The following SUGCT variants were observed in gnomAD, a reference collection of about 807,000 sequenced individuals.
The protein encoded by SUGCT is succinyl-CoA:glutarate CoA-transferase.
A neutral mutation model predicts 55.0 loss-of-function variants in SUGCT; 41 were observed. The ratio of observed to expected loss-of-function variants is 0.74; its 90% CI spans 0.58 to 0.97. SUGCT has a LOEUF of 0.97. Ranked by LOEUF, SUGCT falls within the 50% of genes least tolerant of loss-of-function variation. The pLI, the probability that SUGCT is intolerant of heterozygous loss-of-function variation, is 0.00. For synonymous variants in SUGCT, 187 were observed against 200.4 expected (o/e 0.93, Z 0.56); for missense variants, 568 against 547.8 (o/e 1.04, Z -0.37).
chr7:40,593,112 G>A (rs1797815379), intron 12 of SUGCT, among the ~76,000 whole-genome samples: 1 of 152,130 alleles, frequency 6.6e-6, no homozygotes, highest in African/African-American at 2.4e-5. Context: ...ATATGGCCAG[G>A]TAAGAAGGTG....
Position 40,832,967 on chromosome 7 carries a change from C to A in SUGCT, c.1154-27349C>A, listed in dbSNP as rs530754633. On this transcript the variant is annotated intron_variant, in intron 13 of 13. Coordinates refer to ENST00000335693, the MANE Select transcript of SUGCT (RefSeq NM_001193313.2). ...GGGATTACAGGCGTGAGTCACTGTG[C>A]CGGGCCTCTTCCACTCCTACTTCTA... is the stretch of plus-strand genomic sequence containing the variant. Among the ~76,000 whole-genome samples, 3 of 152,176 alleles carry A rather than the reference C, an allele frequency of 2.0e-5. 1 individual carries two copies. The South Asian group carries it at 6.2e-4, about 32-fold the overall frequency.
At chr7:40,623,764 A>G (rs553038649) in intron 12 of SUGCT, among the ~76,000 whole-genome samples, 1 of 152,000 alleles carries the variant, frequency 6.6e-6, no homozygotes, top group East Asian at 1.9e-4. Context: ...GTGTGTAATC[A>G]ATAATTTTTT....
At chr7:40,373,207 A>G (rs1362148508) in intron 9 of SUGCT, among the ~76,000 whole-genome samples, 1 of 151,040 alleles carries the variant, frequency 6.6e-6, no homozygotes, top group Non-Finnish European at 1.5e-5. Context: ...TTTACTTTGA[A>G]GAAGTTAAGT....
chr7:40,864,162 T>C (rs1215869564), downstream of SUGCT, among the ~76,000 whole-genome samples: 1 of 152,108 alleles, frequency 6.6e-6, no homozygotes, highest in Non-Finnish European at 1.5e-5. Context: ...GCCCTGAAAG[T>C]TCCTTTCAAC....
chr7:40,725,507 A>G (rs947475950), intron 12 of SUGCT, among the ~76,000 whole-genome samples: 2 of 151,216 alleles, frequency 1.3e-5, no homozygotes, highest in Admixed American at 1.3e-4. Context: ...AACTCTACCT[A>G]TTACGTAGGT....
At chr7:40,279,326 T>A (rs1792789570) in intron 8 of SUGCT, among the ~76,000 whole-genome samples, 1 of 152,076 alleles carries the variant, frequency 6.6e-6, no homozygotes, top group Non-Finnish European at 1.5e-5. Context: ...ATACACTGAG[T>A]GGCATAAGCA....
chr7:40,352,763 A>G (rs541107375), intron 9 of SUGCT, among the ~76,000 whole-genome samples: 1 of 152,290 alleles, frequency 6.6e-6, no homozygotes, highest in South Asian at 2.1e-4. Flanking sequence ...TTATGGTAGA[A>G]TGACGTATGT....
At chr7:40,591,176 G>C (rs1364140768) in intron 12 of SUGCT, among the ~76,000 whole-genome samples, 1 of 152,150 alleles carries the variant, frequency 6.6e-6, no homozygotes, top group Non-Finnish European at 1.5e-5. Flanking sequence ...AAGAACATTC[G>C]TGATTCATAG....
intron 12 of SUGCT, among the ~76,000 whole-genome samples, chr7:40,507,943 T>G (rs1792699448): frequency 6.6e-6 from 1 of 152,196 alleles, no homozygotes; most frequent in South Asian, 2.1e-4. Flanking sequence ...ATCATGAAGC[T>G]AACATCTTTC....
chr7:40,907,140 T>TGTGTGA, the SUGCT span, among the ~76,000 whole-genome samples: 1 of 29,136 alleles, frequency 3.4e-5, no homozygotes, highest in Non-Finnish European at 9.2e-5. Flanking sequence ...TGTGTGTGTG[T>TGTGTGA]GAGAGAGAGA....
chr7:40,223,343 A>C (rs1369978736), intron 6 of SUGCT, among the ~76,000 whole-genome samples: 1 of 152,144 alleles, frequency 6.6e-6, no homozygotes, highest in African/African-American at 2.4e-5. Context: ...TTACAGGTGT[A>C]AGCCACTGCA....
intron 12 of SUGCT, among the ~76,000 whole-genome samples, chr7:40,632,904 A>G (rs1283426604): frequency 1.3e-5 from 2 of 152,212 alleles, no homozygotes; most frequent in Non-Finnish European, 2.9e-5. Context: ...GAGTCTGGAT[A>G]CAGACTCTAT....
the SUGCT span, among the ~76,000 whole-genome samples, chr7:40,904,019 C>T: frequency 6.6e-6 from 1 of 152,174 alleles, no homozygotes; most frequent in Non-Finnish European, 1.5e-5. Context: ...ATCACGCATA[C>T]CATCCTTCCT....
intron 9 of SUGCT, among the ~76,000 whole-genome samples, chr7:40,398,571 G>A (rs1323852475): frequency 6.7e-6 from 1 of 148,882 alleles, no homozygotes; most frequent in Non-Finnish European, 1.5e-5. Context: ...TATGCTTCCC[G>A]GGATCATGTA....
chr7:40,427,638 T>C (rs1012470385), intron 9 of SUGCT, among the ~76,000 whole-genome samples: 1 of 152,098 alleles, frequency 6.6e-6, no homozygotes, highest in African/African-American at 2.4e-5. Flanking sequence ...AATCAGTCAT[T>C]GTGGTGGTTT....
intron 8 of SUGCT, among the ~76,000 whole-genome samples, chr7:40,291,250 C>G (rs1320930759): frequency 1.5e-4 from 23 of 151,922 alleles, no homozygotes; most frequent in Non-Finnish European, 1.5e-5. Context: ...GACTTGGAAC[C>G]AACCCAAATG....
intron 6 of SUGCT, among the ~76,000 whole-genome samples, chr7:40,216,035 T>A (rs999211791): frequency 2.0e-5 from 3 of 152,072 alleles, no homozygotes; most frequent in African/African-American, 7.2e-5. Flanking sequence ...ATTTGAGCTA[T>A]TATTACCTTA....
the SUGCT span, among the ~76,000 whole-genome samples, chr7:40,924,352 C>A: frequency 6.6e-6 from 1 of 151,648 alleles, no homozygotes; most frequent in Non-Finnish European, 1.5e-5. Flanking sequence ...GTGATCCCCC[C>A]ACCTCAGCTT....
chr7:40,837,547 T>A (rs969662813), intron 13 of SUGCT, among the ~76,000 whole-genome samples: 1 of 152,132 alleles, frequency 6.6e-6, no homozygotes, highest in Non-Finnish European at 1.5e-5. Context: ...TCTAAGCATT[T>A]TACACTTTTA....
Sources: allele counts gnomAD v4.1 joint callset (sites outside exome capture counted in the v4.1 genomes callset), GRCh38; gene constraint gnomAD v4.1.1; transcripts MANE v1.5; gene names NCBI Gene and HGNC (gene_info 2026-07-23, HGNC 2026-07-21).